Variants in DAB1 observed in about 807,000 individuals in gnomAD.
DAB1 encodes the protein disabled homolog 1.
A neutral mutation model predicts 64.6 loss-of-function variants in DAB1; 15 were observed. That is an observed-to-expected ratio of 0.23 (90% confidence interval 0.16 to 0.36). DAB1 has a LOEUF of 0.36. DAB1 is among the 10% of genes least tolerant of loss of function. The pLI, the probability that DAB1 is intolerant of heterozygous loss-of-function variation, is 1.00. For synonymous variants in DAB1, 235 were observed against 251.9 expected, an observed-to-expected ratio of 0.93 and a Z score of 0.64; for missense variants, 596 against 706.7, an observed-to-expected ratio of 0.84 and a Z score of 1.78.
chr1:57,042,928 C>T (rs1647980899), intron 9 of DAB1, among the ~76,000 whole-genome samples: 1 of 152,046 alleles, frequency 6.6e-6, no homozygotes, highest in Non-Finnish European at 1.5e-5. Flanking sequence ...AAAGCTGTCA[C>T]ATCTACCCTG....
intron 1 of DAB1, among the ~76,000 whole-genome samples, chr1:57,378,807 G>A (rs1681119435): frequency 6.6e-6 from 1 of 152,016 alleles, no homozygotes; most frequent in African/African-American, 2.4e-5. Flanking sequence ...ACTTGGAGGG[G>A]GGTTAAGAAC....
chr1:57,230,230 A>T (rs912907511), intron 2 of DAB1, among the ~76,000 whole-genome samples: 3 of 151,400 alleles, frequency 2.0e-5, no homozygotes, highest in Non-Finnish European at 4.4e-5. Flanking sequence ...CCATTCAGAG[A>T]TTGCTTTAAC....
At chr1:58,162,613 C>T (rs1027803585) in intron 4 of DAB1, among the ~76,000 whole-genome samples, 32 of 152,230 alleles carry the variant, frequency 2.1e-4, no homozygotes, top group African/African-American at 6.0e-4. Flanking sequence ...CACTGAAACT[C>T]TACTTTTTTA....
At chr1:57,100,803 G>A (rs1467630946) in intron 4 of DAB1, among the ~76,000 whole-genome samples, 1 of 152,056 alleles carries the variant, frequency 6.6e-6, no homozygotes, top group Non-Finnish European at 1.5e-5. Flanking sequence ...CGCATGAGTA[G>A]GCACAGGGTC....
At chr1:57,072,031 A>G (rs1651516393) in intron 5 of DAB1, among the ~76,000 whole-genome samples, 1 of 151,628 alleles carries the variant, frequency 6.6e-6, no homozygotes, top group African/African-American at 2.4e-5. Flanking sequence ...ACCAGAAAGG[A>G]AAATAATTAG....
chr1:58,077,785 G>A (rs556629349), intron 5 of DAB1, among the ~76,000 whole-genome samples: 2 of 152,282 alleles, frequency 1.3e-5, no homozygotes, highest in South Asian at 4.1e-4. Context: ...TGCTGCATCT[G>A]TACCTGGGAA....
chr1:57,081,135 C>T (rs1047425997), intron 4 of DAB1, among the ~76,000 whole-genome samples: 1 of 152,198 alleles, frequency 6.6e-6, no homozygotes, highest in Non-Finnish European at 1.5e-5. Flanking sequence ...TGAATCCTTC[C>T]ATGGCTTTGT....
At chr1:57,309,110 A>G (rs1361467274) in intron 1 of DAB1, among the ~76,000 whole-genome samples, 1 of 152,184 alleles carries the variant, frequency 6.6e-6, no homozygotes, top group Non-Finnish European at 1.5e-5. Context: ...TGGTCCAAGG[A>G]TATTCTTCTT....
intron 5 of DAB1, among the ~76,000 whole-genome samples, chr1:57,926,656 G>C (rs1644884212): frequency 6.6e-6 from 1 of 152,148 alleles, no homozygotes; most frequent in African/African-American, 2.4e-5. Flanking sequence ...CAAGAATACA[G>C]ATACACTTTG....
intron 2 of DAB1, among the ~76,000 whole-genome samples, chr1:57,172,083 C>T (rs189322725): frequency 5.9e-5 from 9 of 152,232 alleles, no homozygotes; most frequent in Admixed American, 5.2e-4. Context: ...GACACATTAT[C>T]CTGATCTCTG....
At chr1:58,086,167 T>G (rs909894719) in intron 5 of DAB1, among the ~76,000 whole-genome samples, 1 of 151,030 alleles carries the variant, frequency 6.6e-6, no homozygotes, top group Non-Finnish European at 1.5e-5. Flanking sequence ...GTTTCACCGT[T>G]TTAGCCGGGA....
chr1:58,019,588 T>C (rs1362213733), intron 5 of DAB1, among the ~76,000 whole-genome samples: 1 of 152,226 alleles, frequency 6.6e-6, no homozygotes, highest in Non-Finnish European at 1.5e-5. Flanking sequence ...CCATGAAAAA[T>C]GCATTGCTTT....
At chr1:57,330,316 A>C (rs1265095518) in intron 1 of DAB1, among the ~76,000 whole-genome samples, 1 of 152,108 alleles carries the variant, frequency 6.6e-6, no homozygotes, top group African/African-American at 2.4e-5. Context: ...GTGCTCTCAG[A>C]TATTGTTTCA....
intron 2 of DAB1, among the ~76,000 whole-genome samples, chr1:57,233,142 G>C (rs1450226343): frequency 6.6e-6 from 1 of 151,564 alleles, no homozygotes; most frequent in Non-Finnish European, 1.5e-5. Context: ...ACGCTTCCAA[G>C]TTGGGATCCC....
At chr1:58,540,715 T>TA (rs146864305) in intron 1 of DAB1, among the ~76,000 whole-genome samples, 22,647 of 147,922 alleles carry the variant, frequency 0.15, 1,933 homozygotes, top group Admixed American at 0.26. Context: ...AATACAATAA[T>TA]AAAAAAAGGC....
chr1:58,527,266 C>CAGTA (rs1646366940), exon 2 of DAB1: 1 of 872,154 alleles, frequency 1.1e-6, no homozygotes, highest in African/African-American at 1.6e-5. Context: ...TTTACCTTTG[C>CAGTA]AGCAAGCAGT....
At chr1:58,101,908 G>A (rs1285189605) in intron 5 of DAB1, among the ~76,000 whole-genome samples, 1 of 152,154 alleles carries the variant, frequency 6.6e-6, no homozygotes. Flanking sequence ...CCAGGATCCA[G>A]GTTTGCAGGT....
intron 1 of DAB1, among the ~76,000 whole-genome samples, chr1:57,323,939 G>A (rs1346500613): frequency 6.6e-6 from 1 of 151,896 alleles, no homozygotes; most frequent in African/African-American, 2.4e-5. Context: ...AAGGTGAGTG[G>A]GATTTCTCTC....
intron 5 of DAB1, among the ~76,000 whole-genome samples, chr1:58,070,028 T>A (rs923981792): frequency 2.0e-5 from 3 of 152,172 alleles, no homozygotes; most frequent in Admixed American, 6.5e-5. Flanking sequence ...GGAAGCAGCA[T>A]GGAGAGAAGC....
Sources: allele counts gnomAD v4.1 joint callset (sites outside exome capture counted in the v4.1 genomes callset), GRCh38; gene constraint gnomAD v4.1.1; transcripts MANE v1.5; gene names NCBI Gene and HGNC (gene_info 2026-07-23, HGNC 2026-07-21).